Variants in RUVBL1 observed in about 807,000 individuals in gnomAD.
RUVBL1 encodes RuvB like AAA ATPase 1.
RUVBL1 carries 4 observed loss-of-function variants against 52.4 expected under a neutral mutation model. The ratio of observed to expected loss-of-function variants is 0.08; its 90% CI spans 0.04 to 0.17. RUVBL1 has a LOEUF of 0.17. Ranked by LOEUF, RUVBL1 falls within the 10% of genes least tolerant of loss-of-function variation. The probability of loss-of-function intolerance (pLI) is 1.00; values close to 1 mark genes in which losing one functional copy is unlikely to be tolerated. For missense variants in RUVBL1, 298 were observed against 572.8 expected, an observed-to-expected ratio of 0.52 and a Z score of 4.90; for synonymous variants, 217 against 214.4, an observed-to-expected ratio of 1.01 and a Z score of -0.10.
intron 2 of RUVBL1, 79 bp from the exon 3 acceptor site, chr3:128,113,099 AG>A: frequency 6.7e-7 from 1 of 1,496,966 alleles, no homozygotes; most frequent in Middle Eastern, 1.8e-4. Context: ...CAGAACCACC[AG>A]GAACTAGGAA....
intron 8 of RUVBL1, among the ~76,000 whole-genome samples, chr3:128,090,785 TA>T (rs1942814704): frequency 6.6e-6 from 1 of 152,210 alleles, no homozygotes; most frequent in African/African-American, 2.4e-5. Flanking sequence ...AAGTGTTTTT[TA>T]AGTCTTATTT....
chr3:128,066,048 A>G (rs1158604522), intron 9 of RUVBL1, among the ~76,000 whole-genome samples: 1 of 151,688 alleles, frequency 6.6e-6, no homozygotes, highest in Non-Finnish European at 1.5e-5. Context: ...GGCCTTAAGT[A>G]TTTAATTTTT....
chr3:128,105,010 T>C, intron 3 of RUVBL1, 86 bp from the exon 4 acceptor site: 2 of 1,454,034 alleles, frequency 1.4e-6, no homozygotes, highest in Non-Finnish European at 1.9e-6. Flanking sequence ...TCACCAGAAC[T>C]GCCAAATCAA....
At chr3:128,114,136 C>T (rs1200818881) in intron 2 of RUVBL1, among the ~76,000 whole-genome samples, 2 of 152,194 alleles carry the variant, frequency 1.3e-5, no homozygotes, top group Non-Finnish European at 2.9e-5. Context: ...AAAGTTGGTA[C>T]AGAACTGGGC....
intron 7 of RUVBL1, among the ~76,000 whole-genome samples, chr3:128,098,499 T>C (rs1943035253): frequency 6.6e-6 from 1 of 152,142 alleles, no homozygotes; most frequent in African/African-American, 2.4e-5. Flanking sequence ...TGTGGAGCTC[T>C]GGGAAGTGCC....
chr3:128,124,280 C>T (rs1160808955), upstream of RUVBL1, among the ~76,000 whole-genome samples: 2 of 152,010 alleles, frequency 1.3e-5, no homozygotes, highest in African/African-American at 4.8e-5. Context: ...GTGGAATTGT[C>T]TTCCCCTGCT....
chr3:128,146,948 C>T (rs1383363153), intron 1 of RUVBL1, among the ~76,000 whole-genome samples: 1 of 152,242 alleles, frequency 6.6e-6, no homozygotes, highest in African/African-American at 2.4e-5. Flanking sequence ...AAGGCTCACT[C>T]CAGCTTCTGT....
At chr3:128,075,931 C>T (rs557977076), downstream of RUVBL1, 1 of 152,444 alleles carries the variant, frequency 6.6e-6, no homozygotes, top group South Asian at 2.1e-4. Flanking sequence ...CCCCCCCCTT[C>T]CCCTCGTCTC....
chr3:128,105,901 A>G (rs1332950124), intron 3 of RUVBL1, among the ~76,000 whole-genome samples: 1 of 110,532 alleles, frequency 9.0e-6, no homozygotes, highest in East Asian at 2.7e-4. Context: ...ATAGAATCTC[A>G]TTCTGTCACC....
upstream of RUVBL1, among the ~76,000 whole-genome samples, chr3:128,124,060 C>T (rs980046363): frequency 1.3e-5 from 2 of 152,124 alleles, no homozygotes; most frequent in Non-Finnish European, 2.9e-5. Context: ...AGGCAGTGGC[C>T]CCCGGGTACC....
chr3:128,082,519 T>C lies in RUVBL1; in HGVS notation c.1175A>G (p.Asn392Ser). ...EGINISEEAL[N>S]HLGEIGTKTT... Reference sequence around the variant, plus strand: ...CTTGGTGCCAATCTCCCCCAGGTGGTTCAGTGCCTCCTCACTGATGTTGAT... The same window carrying C: ...CTTGGTGCCAATCTCCCCCAGGTGGCTCAGTGCCTCCTCACTGATGTTGAT... Residue 392 changes from asparagine (N) to serine (S), a missense_variant, in exon 10 of 11, where the codon AAC becomes AGC. Transcript: ENST00000322623. The surrounding 1 kb of genome is among the most constrained non-coding windows in gnomAD (Gnocchi z 4.7). The C allele has an allele frequency of 1.2e-6, 2 of 1,613,852 alleles. No individual in the cohort carries two copies. Among genetic ancestry groups the C allele is most frequent in the Non-Finnish European group, 1.7e-6 (2 of 1,179,906 alleles).
upstream of RUVBL1, among the ~76,000 whole-genome samples, chr3:128,125,159 C>G (rs574404938): frequency 6.6e-6 from 1 of 151,762 alleles, no homozygotes; most frequent in African/African-American, 2.4e-5. Flanking sequence ...GGACTACAGG[C>G]GCCCACCATC....
chr3:128,102,487 G>A (rs1345984925), intron 4 of RUVBL1, among the ~76,000 whole-genome samples: 2 of 152,348 alleles, frequency 1.3e-5, no homozygotes, highest in African/African-American at 4.8e-5. Flanking sequence ...TCTTCATGGA[G>A]ATCTATGTTA....
At chr3:128,121,952 T>C (rs1302216178) in intron 1 of RUVBL1, among the ~76,000 whole-genome samples, 1 of 152,230 alleles carries the variant, frequency 6.6e-6, no homozygotes, top group Non-Finnish European at 1.5e-5. Flanking sequence ...GAAGGGTCTT[T>C]AAAAGATCAC....
rs1231679767 is a variant in RUVBL1 at position 128,064,801 on chromosome 3, T to C, written c.*411A>G. The C allele has an allele frequency of 3.0e-6, 4 of 1,332,082 alleles. No homozygotes were observed. The East Asian group carries it at 9.2e-5, about 31-fold the overall frequency. The allele number at this position is 1,332,082 out of a possible 1,614,324, so 82.5% of individuals were successfully genotyped here. A position where few individuals can be genotyped will look rare whatever the true frequency, so the allele number is the denominator to read the frequency against. ...CTTAAGTTTGTTTTCCTCTTTTTATTTGTCTGCTAAGAAGGCTAGAAGCAA... is the reference window on the plus strand; with the variant it reads ...CTTAAGTTTGTTTTCCTCTTTTTATCTGTCTGCTAAGAAGGCTAGAAGCAA... On this transcript the variant is annotated 3_prime_UTR_variant, in exon 10 of 10. Coordinates refer to the RUVBL1 transcript ENST00000464873.
At chr3:128,135,410 G>A (rs1022951082) in intron 1 of RUVBL1, among the ~76,000 whole-genome samples, 25 of 152,208 alleles carry the variant, frequency 1.6e-4, no homozygotes, top group African/African-American at 5.5e-4. Flanking sequence ...GCATGCACCT[G>A]TAGTCCCAGC....
chr3:128,135,918 A>G (rs567912834), intron 1 of RUVBL1, among the ~76,000 whole-genome samples: 1 of 152,296 alleles, frequency 6.6e-6, no homozygotes, highest in South Asian at 2.1e-4. Flanking sequence ...ATGACAGTAT[A>G]ATAAGATATA....
intron 1 of RUVBL1, among the ~76,000 whole-genome samples, chr3:128,149,977 C>T (rs902501261): frequency 2.0e-5 from 3 of 152,242 alleles, no homozygotes; most frequent in African/African-American, 4.8e-5. Context: ...AGCCCCACCT[C>T]GCCACGTGCC....
chr3:128,088,015 T>G (rs997704135), intron 8 of RUVBL1, among the ~76,000 whole-genome samples: 2 of 152,006 alleles, frequency 1.3e-5, no homozygotes, highest in African/African-American at 4.8e-5. Flanking sequence ...ATCCCAACAC[T>G]TTGGGAGGCA....
Sources: gnomAD v4.1 joint callset for allele counts (sites outside exome capture counted in the v4.1 genomes callset) on GRCh38, gnomAD v4.1.1 for gene constraint, Gnocchi (gnomAD v3.1) non-coding constraint, MANE v1.5 for transcripts, NCBI Gene and HGNC (gene_info 2026-07-23, HGNC 2026-07-21) for gene names.